Variants in SPAG16 observed in about 807,000 individuals in gnomAD.
SPAG16 encodes the protein sperm-associated antigen 16 protein.
In SPAG16, 86 loss-of-function variants were observed where a neutral mutation model predicts 80.4. The ratio of observed to expected loss-of-function variants is 1.07; its 90% CI spans 0.90 to 1.28. SPAG16 has a LOEUF of 1.28. SPAG16 is among the 50% of genes most tolerant of loss of function. The pLI is 0.00. For synonymous variants in SPAG16, 294 were observed against 265.9 expected, an observed-to-expected ratio of 1.11 and a Z score of -1.03; for missense variants, 870 against 765.3, an observed-to-expected ratio of 1.14 and a Z score of -1.61.
intron 10 of SPAG16, among the ~76,000 whole-genome samples, chr2:213,727,304 A>C (rs191100969): frequency 6.6e-6 from 1 of 152,224 alleles, no homozygotes; most frequent in Non-Finnish European, 1.5e-5. Flanking sequence ...TTAATTCTGC[A>C]GAAGAGACTG....
chr2:213,417,375 A>G (rs1338375417), intron 9 of SPAG16, among the ~76,000 whole-genome samples: 1 of 152,230 alleles, frequency 6.6e-6, no homozygotes, highest in South Asian at 2.1e-4. Flanking sequence ...TCACAGCTTC[A>G]CAATATCTTA....
At chr2:214,066,323 T>G (rs1269439988) in intron 13 of SPAG16, among the ~76,000 whole-genome samples, 5 of 152,260 alleles carry the variant, frequency 3.3e-5, no homozygotes, top group African/African-American at 1.2e-4. Flanking sequence ...TGAATCTTGT[T>G]TCTAAAATGC....
chr2:213,597,126 A>C (rs2060910725), intron 10 of SPAG16, among the ~76,000 whole-genome samples: 1 of 152,216 alleles, frequency 6.6e-6, no homozygotes, highest in Non-Finnish European at 1.5e-5. Context: ...GTTTTCCAAC[A>C]GAGCTTTGCA....
chr2:214,368,765 G>C lies in SPAG16; in HGVS notation c.1721-41375G>C, dbSNP rs145048005. Among the ~76,000 whole-genome samples the C allele has an allele frequency of 3.7e-3, 569 of 152,190 alleles. 5 individuals carry two copies. Among genetic ancestry groups the C allele is most frequent in the African/African-American group, 0.013 (530 of 41,550 alleles). On this transcript the variant is annotated intron_variant, in intron 15 of 15. Coordinates refer to ENST00000331683, the MANE Select transcript of SPAG16 (RefSeq NM_024532.5). ...TCGTACTCCAATGACAGAAATTCAA[G>C]TCAGTTTAGAAACTAATTCACATAA...
chr2:213,442,573 A>G (rs1252130399), intron 9 of SPAG16, among the ~76,000 whole-genome samples: 1 of 152,258 alleles, frequency 6.6e-6, no homozygotes, highest in Non-Finnish European at 1.5e-5. Context: ...GAATAGACAA[A>G]TAGATCACTG....
intron 10 of SPAG16, among the ~76,000 whole-genome samples, chr2:213,775,002 C>T (rs751826397): frequency 1.3e-5 from 2 of 152,120 alleles, no homozygotes; most frequent in African/African-American, 2.4e-5. Flanking sequence ...CTCGGCACTA[C>T]TGTATTGTTT....
At chr2:213,887,664 G>T (rs1174126214) in intron 11 of SPAG16, among the ~76,000 whole-genome samples, 1 of 151,140 alleles carries the variant, frequency 6.6e-6, no homozygotes, top group African/African-American at 2.4e-5. Context: ...GCAAAATATT[G>T]TAAAATAATA....
chr2:213,882,650 CAT>C (rs1347928860), intron 11 of SPAG16, among the ~76,000 whole-genome samples: 1 of 152,136 alleles, frequency 6.6e-6, no homozygotes, highest in Non-Finnish European at 1.5e-5. Flanking sequence ...GTTGTAATCT[CAT>C]ATTTGTTATA....
At chr2:213,473,846 G>A (rs898349933) in intron 9 of SPAG16, among the ~76,000 whole-genome samples, 7 of 152,096 alleles carry the variant, frequency 4.6e-5, no homozygotes, top group Non-Finnish European at 8.8e-5. Context: ...ACACCTCCTC[G>A]TGGTCACACT....
chr2:213,928,157 C>G (rs147160112), intron 11 of SPAG16, among the ~76,000 whole-genome samples: 1,581 of 152,184 alleles, frequency 0.01, 35 homozygotes, highest in African/African-American at 0.035. Context: ...ATGATCTCGG[C>G]TCACTGCAAC....
chr2:213,680,775 G>A (rs1262658863), intron 10 of SPAG16, among the ~76,000 whole-genome samples: 2 of 152,098 alleles, frequency 1.3e-5, no homozygotes, highest in African/African-American at 4.8e-5. Context: ...AGGTGGTCAG[G>A]GTGCAGCTTG....
chr2:213,284,648 T>A, intron 1 of SPAG16, 29 bp downstream of exon 1: 2 of 1,597,146 alleles, frequency 1.3e-6, no homozygotes, highest in Non-Finnish European at 1.7e-6. Flanking sequence ...CGCGGCCCGC[T>A]GCGCTGGCGG....
At chr2:213,605,641 C>T (rs577788125) in intron 10 of SPAG16, among the ~76,000 whole-genome samples, 74 of 152,214 alleles carry the variant, frequency 4.9e-4, no homozygotes, top group African/African-American at 1.6e-3. Flanking sequence ...AGGCGCCTGC[C>T]ACCACACCTG....
intron 10 of SPAG16, among the ~76,000 whole-genome samples, chr2:213,826,127 T>G (rs1320267706): frequency 6.6e-6 from 1 of 151,978 alleles, no homozygotes; most frequent in Non-Finnish European, 1.5e-5. Flanking sequence ...CTGATTTTAT[T>G]TATTTGGGTC....
intron 15 of SPAG16, among the ~76,000 whole-genome samples, chr2:214,258,461 A>ATGTGTG (rs1319528567): frequency 2.7e-5 from 3 of 109,316 alleles, no homozygotes; most frequent in African/African-American, 5.7e-5. Context: ...GTGTGTATGT[A>ATGTGTG]TGTGTGTGTG....
At chr2:213,668,086 A>T (rs985295799) in intron 10 of SPAG16, among the ~76,000 whole-genome samples, 1 of 151,942 alleles carries the variant, frequency 6.6e-6, no homozygotes, top group Non-Finnish European at 1.5e-5. Context: ...GATTACAGGC[A>T]TGTGCCACCA....
rs879196704 is a variant in SPAG16, at chr2:214,149,077, G to GTGTGTA, written c.1594-62_1594-61insGTGTAT. The GTGTGTA allele has an allele frequency of 9.6e-4, 231 of 240,144 alleles. No individual in the cohort carries two copies. In the East Asian group the frequency reaches 0.013, roughly 13 times the overall value. 14.9% of individuals were successfully genotyped at this position (240,144 alleles called of 1,614,324 possible). On this transcript the variant is annotated intron_variant, in intron 14 of 15. Coordinates refer to ENST00000331683, the MANE Select transcript of SPAG16 (RefSeq NM_024532.5). ...TGTATATATATATGTGTGTGTGTGTGTATATATATATATATATATACATAC... is the reference window on the plus strand; with the variant it reads ...TGTATATATATATGTGTGTGTGTGTGTGTGTATATATATATATATATATATACATAC...
intron 10 of SPAG16, among the ~76,000 whole-genome samples, chr2:213,609,830 GGTGAT>G (rs1241008349): frequency 2.0e-5 from 3 of 152,076 alleles, no homozygotes; most frequent in African/African-American, 7.2e-5. Flanking sequence ...GTGGTGTTCT[GGTGAT>G]GTGTATGCAG....
chr2:213,430,107 G>C (rs1172099749), intron 9 of SPAG16, among the ~76,000 whole-genome samples: 3 of 152,114 alleles, frequency 2.0e-5, no homozygotes, highest in Non-Finnish European at 4.4e-5. Flanking sequence ...ATCAATTCAG[G>C]ATATAAATGA....
Sources: allele counts gnomAD v4.1 joint callset (sites outside exome capture counted in the v4.1 genomes callset), GRCh38; gene constraint gnomAD v4.1.1; transcripts MANE v1.5; gene names NCBI Gene and HGNC (gene_info 2026-07-23, HGNC 2026-07-21).